PLCXD3: variants seen among roughly 807,000 people sequenced by gnomAD.
PLCXD3 encodes the protein PI-PLC X domain-containing protein 3.
PLCXD3 carries 19 observed loss-of-function variants against 25.5 expected under a neutral mutation model. The observed-to-expected ratio is 0.75, with a 90% CI of 0.52 to 1.09. PLCXD3 has a LOEUF of 1.09. Among genes scored for constraint, PLCXD3 ranks in the 50% least tolerant of loss-of-function variants. PLCXD3 has a pLI of 0.00. For missense variants in PLCXD3, 411 were observed against 388.1 expected (o/e 1.06, Z -0.50); for synonymous variants, 174 against 137.6 (o/e 1.26, Z -1.85).
chr5:41,442,774 C>T (rs189435092), intron 1 of PLCXD3, among the ~76,000 whole-genome samples: 1 of 152,226 alleles, frequency 6.6e-6, no homozygotes. Flanking sequence ...TTAATCCCTT[C>T]CCTCACCCAA....
At chr5:41,354,163 T>A (rs560041705) in intron 2 of PLCXD3, among the ~76,000 whole-genome samples, 1 of 152,280 alleles carries the variant, frequency 6.6e-6, no homozygotes, top group South Asian at 2.1e-4. Context: ...TCAATGATAT[T>A]CCTATAGCTT....
At position 41,312,689 on chromosome 5, in the gene PLCXD3, C is replaced by CTTTCCT. The variant is rs1404828847; in HGVS notation, c.*927_*928insAGGAAA. The CTTTCCT allele has an allele frequency of 6.3e-4, 49 of 77,724 alleles. No homozygotes were observed. Among genetic ancestry groups the CTTTCCT allele is most frequent in the African/African-American group, 2.4e-3 (39 of 16,536 alleles). 4.8% of individuals were successfully genotyped at this position (77,724 alleles called of 1,614,324 possible). On this transcript the variant is annotated 3_prime_UTR_variant, in exon 3 of 3. Coordinates refer to ENST00000377801, the MANE Select transcript of PLCXD3 (RefSeq NM_001005473.3). ...CTCCCTCCCTTCCTTTCTTCCTTTC[C>CTTTCCT]TTCCTTCCTTCCTTCCTTCCTTCCT...
chr5:41,319,495 A>T (rs1393351439), intron 2 of PLCXD3, among the ~76,000 whole-genome samples: 3 of 152,180 alleles, frequency 2.0e-5, no homozygotes, highest in African/African-American at 7.2e-5. Context: ...ATTAAACAGT[A>T]CGCTCCTGAA....
intron 2 of PLCXD3, among the ~76,000 whole-genome samples, chr5:41,347,763 C>A (rs759227963): frequency 2.1e-4 from 32 of 152,204 alleles, no homozygotes; most frequent in Non-Finnish European, 3.8e-4. Flanking sequence ...ACCAGATCAA[C>A]TGGAGGCGCT....
At chr5:41,459,966 G>T (rs906985655) in intron 1 of PLCXD3, among the ~76,000 whole-genome samples, 1 of 151,888 alleles carries the variant, frequency 6.6e-6, no homozygotes, top group Non-Finnish European at 1.5e-5. Context: ...TAATACTAGC[G>T]TTCAAGATAA....
At chr5:41,469,651 G>A (rs1039296786) in intron 1 of PLCXD3, among the ~76,000 whole-genome samples, 15 of 151,928 alleles carry the variant, frequency 9.9e-5, no homozygotes, top group African/African-American at 2.9e-4. Flanking sequence ...ATAATTGTTT[G>A]TAGTAGTTTT....
intron 1 of PLCXD3, among the ~76,000 whole-genome samples, chr5:41,435,846 C>T (rs1224309413): frequency 4.6e-5 from 7 of 152,314 alleles, no homozygotes; most frequent in South Asian, 2.1e-4. Context: ...CTCCTTCTCC[C>T]GTAAAGAAAC....
In PLCXD3 at chr5:41,440,215, A is replaced by ATTTTT. The variant is rs70988846; in HGVS notation, c.104-57686_104-57682dup. ...TCTGAGCAAATTACATAATCTCTCA[A>ATTTTT]TTTTTTTTTTTTTTTTTTTTTTTTT... On this transcript the variant is annotated intron_variant, in intron 1 of 2. Coordinates refer to ENST00000377801, the MANE Select transcript of PLCXD3 (RefSeq NM_001005473.3). Among the ~76,000 whole-genome samples the ATTTTT allele has an allele frequency of 8.6e-3, 354 of 41,064 alleles. 89 individuals are homozygous for ATTTTT. The highest frequency in any genetic ancestry group is 0.016 in the African/African-American group (155 of 9,604). 26.9% of individuals were successfully genotyped at this position (41,064 alleles called of 152,430 possible).
chr5:41,462,330 A>G (rs1747905930), intron 1 of PLCXD3, among the ~76,000 whole-genome samples: 1 of 152,050 alleles, frequency 6.6e-6, no homozygotes, highest in African/African-American at 2.4e-5. Flanking sequence ...AGCAAGGGAA[A>G]TGGGTACCAA....
In PLCXD3 at chr5:41,398,824, G is replaced by A. The variant is rs1465655703; in HGVS notation, c.104-16290C>T. On this transcript the variant is annotated intron_variant, in intron 1 of 2. Transcript: ENST00000377801. ...AACAAGGATGCCTGCTCTCACCTCT[G>A]TTATTCAACATACTACTGGAAGCCC... Among the ~76,000 whole-genome samples, 3 of 152,096 alleles carry A rather than the reference G, an allele frequency of 2.0e-5. No homozygotes were observed. The East Asian group carries it at 5.8e-4, about 29-fold the overall frequency.
chr5:41,358,766 G>A (rs969941574), intron 2 of PLCXD3, among the ~76,000 whole-genome samples: 1 of 152,100 alleles, frequency 6.6e-6, no homozygotes, highest in Non-Finnish European at 1.5e-5. Context: ...GAATGGAAGT[G>A]GTGAGAATGG....
chr5:41,414,217 ATT>A (rs11367879), intron 1 of PLCXD3, among the ~76,000 whole-genome samples: 17,765 of 150,126 alleles, frequency 0.12, 1,174 homozygotes, highest in Admixed American at 0.18. Flanking sequence ...GGGAGTAGGC[ATT>A]TTTTTTTTTT....
At chr5:41,425,052 A>G (rs1389751345) in intron 1 of PLCXD3, among the ~76,000 whole-genome samples, 1 of 152,206 alleles carries the variant, frequency 6.6e-6, no homozygotes, top group Non-Finnish European at 1.5e-5. Context: ...TGGTGGTTGT[A>G]TGCAGCTTTG....
At chr5:41,443,081 G>T (rs1747418172) in intron 1 of PLCXD3, among the ~76,000 whole-genome samples, 1 of 147,918 alleles carries the variant, frequency 6.8e-6, no homozygotes, top group South Asian at 2.1e-4. Context: ...ATATCCAGAG[G>T]CTGTATAATT....
At chr5:41,379,623 G>T (rs981074515) in intron 2 of PLCXD3, among the ~76,000 whole-genome samples, 2 of 152,012 alleles carry the variant, frequency 1.3e-5, no homozygotes, top group African/African-American at 4.8e-5. Flanking sequence ...GTTGTCAGGG[G>T]CTGTTATCCT....
intron 2 of PLCXD3, among the ~76,000 whole-genome samples, chr5:41,366,369 A>T (rs1299293378): frequency 1.3e-5 from 2 of 152,218 alleles, no homozygotes; most frequent in Non-Finnish European, 2.9e-5. Flanking sequence ...ATGTAAATGC[A>T]TGTCTCCTAG....
At chr5:41,490,908 G>T (rs1185904971) in intron 1 of PLCXD3, among the ~76,000 whole-genome samples, 2 of 151,992 alleles carry the variant, frequency 1.3e-5, no homozygotes, top group Non-Finnish European at 2.9e-5. Flanking sequence ...TTAATTTTTT[G>T]AAGGGTTTTT....
intron 1 of PLCXD3, among the ~76,000 whole-genome samples, chr5:41,422,269 G>C (rs920435413): frequency 6.6e-6 from 1 of 152,100 alleles, no homozygotes; most frequent in African/African-American, 2.4e-5. Context: ...ATCAGTCCTG[G>C]AAATGGCTTC....
At chr5:41,362,649 A>G (rs1270355045) in intron 2 of PLCXD3, among the ~76,000 whole-genome samples, 1 of 152,228 alleles carries the variant, frequency 6.6e-6, no homozygotes, top group African/African-American at 2.4e-5. Flanking sequence ...GTTGTTTAAA[A>G]TAACACAATA....
Sources: allele counts gnomAD v4.1 joint callset (sites outside exome capture counted in the v4.1 genomes callset), GRCh38; gene constraint gnomAD v4.1.1; transcripts MANE v1.5; gene names NCBI Gene and HGNC (gene_info 2026-07-23, HGNC 2026-07-21).